Variants in MDN1 observed in about 807,000 individuals in gnomAD.
MDN1 encodes the protein midasin AAA ATPase 1.
Under a neutral mutation model 669.2 loss-of-function variants are expected in MDN1, and 266 were observed. The observed-to-expected ratio is 0.40, with a 90% CI of 0.36 to 0.44. The LOEUF is 0.44. Ranked by LOEUF, MDN1 falls within the 20% of genes least tolerant of loss-of-function variation. The pLI, the probability that MDN1 is intolerant of heterozygous loss-of-function variation, is 1.00. For missense variants in MDN1, 5,940 were observed against 6,754.0 expected (o/e 0.88, Z 4.22); for synonymous variants, 2,385 against 2,457.1 (o/e 0.97, Z 0.87).
chr6:89,743,026 G>T, intron 31 of MDN1, 124 bp downstream of exon 31: 1 of 1,194,848 alleles, frequency 8.4e-7, no homozygotes, highest in Non-Finnish European at 1.2e-6. Flanking sequence ...AGGCTACAGT[G>T]AACTATGATC....
At chr6:89,703,765 A>T (rs993632346) in intron 53 of MDN1, among the ~76,000 whole-genome samples, 1 of 152,160 alleles carries the variant, frequency 6.6e-6, no homozygotes, top group African/African-American at 2.4e-5. Context: ...GTAATCCAGC[A>T]TTATGGGAGG....
chr6:89,771,772 A>AC, intron 14 of MDN1, 151 bp from the exon 15 acceptor site: 9 of 647,754 alleles, frequency 1.4e-5, no homozygotes, highest in South Asian at 6.2e-5. Context: ...GCAGTGGCCC[A>AC]ATCATGGCTC....
At position 89,695,630 on chromosome 6, in the gene MDN1, T is replaced by C; in HGVS notation, c.9746A>G (p.Tyr3249Cys). 6.2e-7 allele frequency: 1 copy of C among 1,604,730 alleles called. No homozygotes were observed. The highest frequency in any genetic ancestry group is 8.5e-7 in the Non-Finnish European group (1 of 1,173,262). The change falls in exon 61 of 102, where the codon TAC becomes TGC. Residue 3249 changes from tyrosine (Y) to cysteine (C), a missense_variant. By Grantham distance (194) the Tyr-to-Cys change is radical. Around this residue, in one of 5 missense-constraint regions of MDN1, gnomAD observed 2,292 missense variants for 2,638.3 expected, o/e 0.87. Coordinates refer to ENST00000369393, the MANE Select transcript of MDN1 (RefSeq NM_014611.3). The surrounding 1 kb of genome is among the most constrained non-coding windows in gnomAD (Gnocchi z 4.1). ...CTCTTCCTTGACGTAATTGAGCTTGTACTCCCTCTTCACCGCAGGGTCAAA... is the reference window on the plus strand; with the variant it reads ...CTCTTCCTTGACGTAATTGAGCTTGCACTCCCTCTTCACCGCAGGGTCAAA... ...ARFDPAVKRE[Y>C]KLNYVKEELH... is the part of the protein sequence containing the mutation.
intron 44 of MDN1, 25 bp downstream of exon 44, chr6:89,716,625 C>A: frequency 6.3e-7 from 1 of 1,580,266 alleles, no homozygotes. Flanking sequence ...CAAGTTGGAC[C>A]ACTGATTAGG....
intron 20 of MDN1, among the ~76,000 whole-genome samples, chr6:89,755,763 G>A (rs897084200): frequency 3.9e-5 from 6 of 152,254 alleles, no homozygotes; most frequent in Non-Finnish European, 7.4e-5. Flanking sequence ...AAGATTGCAT[G>A]TTGTCCATAT....
intron 7 of MDN1, among the ~76,000 whole-genome samples, chr6:89,788,771 G>C (rs1221617299): frequency 6.6e-6 from 1 of 152,172 alleles, no homozygotes; most frequent in Non-Finnish European, 1.5e-5. Context: ...GGTAACAAAG[G>C]CAAGAGAGAT....
intron 12 of MDN1, among the ~76,000 whole-genome samples, chr6:89,775,459 A>T (rs1206986391): frequency 6.6e-6 from 1 of 152,156 alleles, no homozygotes; most frequent in Non-Finnish European, 1.5e-5. Context: ...CTGCCATAAG[A>T]TCTTTTAGAG....
At chr6:89,719,080 G>C (rs776249835) in intron 41 of MDN1, 50 bp from the exon 42 acceptor site, 26 of 1,613,220 alleles carry the variant, frequency 1.6e-5, no homozygotes, top group Non-Finnish European at 2.2e-5. Context: ...GGTAGTGGGA[G>C]CAGAAGAAAC....
chr6:89,678,889 T>TC lies in MDN1; in HGVS notation c.12266-145dup, dbSNP rs1353329569. The TC allele has an allele frequency of 5.1e-6, 4 of 788,576 alleles. No individual in the cohort carries two copies. The Admixed American group carries it at 1.1e-4, about 21-fold the overall frequency. The allele number at this position is 788,576 out of a possible 1,614,324, so 48.8% of individuals were successfully genotyped here. On this transcript the variant is annotated intron_variant, in intron 74 of 101. Transcript: ENST00000369393. ...TTTATACCCTGGGTACTTAACATAGTCCCTAGCATTTGGTAAAATCTCATT... is the reference window on the plus strand; with the variant it reads ...TTTATACCCTGGGTACTTAACATAGTCCCCTAGCATTTGGTAAAATCTCATT...
At chr6:89,673,918 G>A (rs977950814) in intron 79 of MDN1, among the ~76,000 whole-genome samples, 186 bp downstream of exon 79, 2 of 152,050 alleles carry the variant, frequency 1.3e-5, no homozygotes, top group African/African-American at 4.8e-5. Context: ...TGAAGTCTCA[G>A]AACCTGCAGA....
At chr6:89,677,472 G>T in intron 76 of MDN1, 98 bp downstream of exon 76, 2 of 1,471,130 alleles carry the variant, frequency 1.4e-6, no homozygotes, top group Non-Finnish European at 1.9e-6. Context: ...CAGTGGTATT[G>T]CTATCCCTAT....
rs776006117 is a variant in MDN1, at chr6:89,718,558, C to A, written c.6391G>T (p.Asp2131Tyr). ...VEGTVRALLR[D>Y]SLLISADDAE... ...TCATCAGCACTGATAAGGAGGCTAT[C>A]CCTTAACAGTGCCCTTACAGTTCCC... Residue 2131 changes from aspartate (D) to tyrosine (Y), a missense_variant, in exon 43 of 102, where the codon GAT (aspartate) becomes TAT (tyrosine). Asp to Tyr is a radical substitution (Grantham distance 160). Transcript: ENST00000369393. 1 of 1,614,130 alleles carries A rather than the reference C, an allele frequency of 6.2e-7. No individual in the cohort carries two copies. The highest frequency in any genetic ancestry group is 1.7e-5 in the Admixed American group (1 of 60,026).
At position 89,655,868 on chromosome 6, in the gene MDN1, T is replaced by A; in HGVS notation, c.15386A>T (p.His5129Leu). The A allele has an allele frequency of 6.2e-7, 1 of 1,614,162 alleles. No homozygotes were observed. The highest frequency in any genetic ancestry group is 8.5e-7 in the Non-Finnish European group (1 of 1,180,030). ...KRLRTVDTDS[H>L]AEQGPAQQPQ... ...CTGCTGAGCTGGCCCCTGCTCGGCA[T>A]GGCTGTCCGTATCCACAGTCCTCAG... Residue 5129 changes from histidine (H) to leucine (L), a missense_variant, in exon 92 of 102, where the codon CAT becomes CTT. Physicochemically the swap from His to Leu is moderately conservative, Grantham distance 99. Around this residue, in one of 5 missense-constraint regions of MDN1, gnomAD observed 2,280 missense variants for 2,576.3 expected, o/e 0.88. Transcript: ENST00000369393.
Position 89,729,030 on chromosome 6 carries a change from G to C in MDN1, c.5250C>G (p.Leu1750=). Residue 1750 remains leucine, a synonymous_variant, in exon 36 of 102, where the codon CTC becomes CTG. Transcript: ENST00000369393. ...LRATKLKKPI[L]LEGSPGVGKT... ...TGCCAACACCAGGGGAACCCTCCAGGAGAATGGGCTTCTTCAGTTTGGTAG... is the reference window on the plus strand; with the variant it reads ...TGCCAACACCAGGGGAACCCTCCAGCAGAATGGGCTTCTTCAGTTTGGTAG... 1 of 1,614,130 alleles carries C rather than the reference G, an allele frequency of 6.2e-7. No homozygotes were observed. The highest frequency in any genetic ancestry group is 8.5e-7 in the Non-Finnish European group (1 of 1,180,002).
chr6:89,746,947 C>G lies in MDN1; in HGVS notation c.3904+382G>C, dbSNP rs9344958. ...TATATAATTTTTTTCTCTCAGAATGCTGATGTTTTCTGACAAATCAGCTTT... is the reference window on the plus strand; with the variant it reads ...TATATAATTTTTTTCTCTCAGAATGGTGATGTTTTCTGACAAATCAGCTTT... On this transcript the variant is annotated intron_variant, in intron 27 of 101. Transcript: ENST00000369393. 0.037 allele frequency among the ~76,000 whole-genome samples: 5,657 copies of G among 152,228 alleles called. 633 individuals carry two copies. In the East Asian group the frequency reaches 0.39, roughly 11 times the overall value.
At chr6:89,670,170 A>ATTTT (rs766450069) in intron 83 of MDN1, among the ~76,000 whole-genome samples, 74 of 23,386 alleles carry the variant, frequency 3.2e-3, no homozygotes, top group East Asian at 6.7e-3. Context: ...ATATATATAT[A>ATTTT]TTTTTTTTTT....
At chr6:89,798,309 T>C (rs1819723343) in intron 2 of MDN1, among the ~76,000 whole-genome samples, 1 of 150,970 alleles carries the variant, frequency 6.6e-6, no homozygotes, top group South Asian at 2.1e-4. Flanking sequence ...AGGTTGGGAG[T>C]TCGAGACCAG....
chr6:89,647,713 G>A (rs1808574758), intron 99 of MDN1, among the ~76,000 whole-genome samples: 1 of 152,134 alleles, frequency 6.6e-6, no homozygotes, highest in Non-Finnish European at 1.5e-5. Context: ...CCAACACTTC[G>A]GGAGGCCAAG....
chr6:89,816,924 T>A (rs1768880361), intron 1 of MDN1, among the ~76,000 whole-genome samples: 1 of 152,080 alleles, frequency 6.6e-6, no homozygotes, highest in Non-Finnish European at 1.5e-5. Context: ...TCCACCCGCC[T>A]CAGCCTCCCA....
Sources: allele counts gnomAD v4.1 joint callset (sites outside exome capture counted in the v4.1 genomes callset), GRCh38; gene constraint gnomAD v4.1.1; regional missense constraint gnomAD v4.1.1; non-coding constraint Gnocchi (gnomAD v3.1); transcripts MANE v1.5; gene names NCBI Gene and HGNC (gene_info 2026-07-23, HGNC 2026-07-21).